The following INTS4 variants were observed in gnomAD, a reference collection of about 807,000 sequenced individuals.
The protein encoded by INTS4 is MSTP093.
In INTS4, 70 loss-of-function variants were observed where a neutral mutation model predicts 119.5. The observed-to-expected ratio is 0.59, with a 90% CI of 0.48 to 0.71. INTS4 has a LOEUF of 0.71. Among genes scored for constraint, INTS4 ranks in the 30% least tolerant of loss-of-function variants. The probability of loss-of-function intolerance (pLI) is 0.00; values close to 1 mark genes in which losing one functional copy is unlikely to be tolerated. For missense variants in INTS4, 867 were observed against 1,173.2 expected (o/e 0.74, Z 3.81); for synonymous variants, 316 against 419.6 (o/e 0.75, Z 3.02).
At chr11:77,945,142 C>T (rs1328418961) in intron 8 of INTS4, among the ~76,000 whole-genome samples, 1 of 152,206 alleles carries the variant, frequency 6.6e-6, no homozygotes, top group Non-Finnish European at 1.5e-5. Flanking sequence ...CACACTGTCT[C>T]CCTTGCCAAA....
chr11:77,934,032 T>A (rs540426513), intron 10 of INTS4, among the ~76,000 whole-genome samples: 4 of 79,000 alleles, frequency 5.1e-5, no homozygotes, highest in Admixed American at 1.5e-4. Flanking sequence ...GGAGACTCCA[T>A]TTTGTTCTGT....
rs545100959 is a variant in INTS4, at chr11:77,918,507, C to T, written c.1922+314G>A. On this transcript the variant is annotated intron_variant, in intron 15 of 22. Transcript: ENST00000534064. ...GCCTATGAGAAAGAATTAAACTTTG[C>T]TCCTGTTTTAGCCACTGTTACTTTG... 1.7e-4 allele frequency: 44 copies of T among 264,256 alleles called. No individual in the cohort carries two copies. The East Asian group carries it at 3.7e-3, about 22-fold the overall frequency. 16.4% of individuals were successfully genotyped at this position (264,256 alleles called of 1,614,324 possible).
intron 8 of INTS4, among the ~76,000 whole-genome samples, chr11:77,954,291 A>T (rs1954265768): frequency 6.6e-6 from 1 of 151,984 alleles, no homozygotes; most frequent in African/African-American, 2.4e-5. Context: ...TTTAAAAAAA[A>T]AATTTTTTTT....
chr11:77,877,749 A>ATT (rs34288319), downstream of INTS4, among the ~76,000 whole-genome samples: 2 of 148,692 alleles, frequency 1.3e-5, no homozygotes, highest in African/African-American at 4.9e-5. Flanking sequence ...CACACTTGCA[A>ATT]TTTTTTTTTT....
Position 77,879,085 on chromosome 11 carries a change from G to C in INTS4, c.2756C>G (p.Ser919Cys). 2 of 1,614,152 alleles carry C rather than the reference G, an allele frequency of 1.2e-6. No individual in the cohort carries two copies. The highest frequency in any genetic ancestry group is 8.5e-7 in the Non-Finnish European group (1 of 1,180,028). The change falls in exon 23 of 23, where the codon TCC (serine) becomes TGC (cysteine). Residue 919 changes from serine to cysteine, a missense_variant. Transcript: ENST00000534064. Reference sequence around the variant, plus strand: ...GGGGCATTTTGGAATGCGAGCACTGGAGTTGTAGGCCAGCAGCAGCCTCAC... The same window carrying C: ...GGGGCATTTTGGAATGCGAGCACTGCAGTTGTAGGCCAGCAGCAGCCTCAC... Reference protein sequence around the residue: ...VEVRLLLAYNSSARIPKCPWM... With the variant: ...VEVRLLLAYNCSARIPKCPWM...
At chr11:77,889,338 C>G (rs1447072086) in intron 21 of INTS4, among the ~76,000 whole-genome samples, 2 of 143,970 alleles carry the variant, frequency 1.4e-5, no homozygotes, top group Non-Finnish European at 3.0e-5. Flanking sequence ...TAGGTGGGAA[C>G]TGAACAATGA....
intron 12 of INTS4, chr11:77,922,879 A>G (rs1953397191): frequency 3.4e-6 from 1 of 290,094 alleles, no homozygotes; most frequent in South Asian, 3.3e-5. Context: ...CAAGTAAGCC[A>G]GTTCTAGACA....
chr11:77,919,341 C>T (rs1396742822), intron 14 of INTS4, among the ~76,000 whole-genome samples: 5 of 151,836 alleles, frequency 3.3e-5, no homozygotes, highest in Non-Finnish European at 7.4e-5. Context: ...GCCCAGAGTG[C>T]AATGGTACCA....
intron 18 of INTS4, among the ~76,000 whole-genome samples, chr11:77,894,952 A>C (rs1345746914): frequency 6.6e-6 from 1 of 152,204 alleles, no homozygotes; most frequent in Non-Finnish European, 1.5e-5. Context: ...ATAGCCTACT[A>C]ATGTAGTTGA....
chr11:77,923,315 C>CAAAAAAAAAAA (rs35475320), intron 12 of INTS4, among the ~76,000 whole-genome samples: 1 of 87,984 alleles, frequency 1.1e-5, no homozygotes, highest in Non-Finnish European at 2.2e-5. Flanking sequence ...GACTCTGTCT[C>CAAAAAAAAAAA]AAAAAAAAAA....
chr11:77,884,003 C>G (rs750023772), intron 21 of INTS4, 51 bp from the exon 22 acceptor site: 9 of 1,578,882 alleles, frequency 5.7e-6, no homozygotes, highest in Non-Finnish European at 6.1e-6. Context: ...GAGCATTTAA[C>G]AAAATGGATG....
intron 11 of INTS4, 74 bp from the exon 12 acceptor site, chr11:77,924,966 C>G (rs1481556322): frequency 8.3e-7 from 1 of 1,206,484 alleles, no homozygotes; most frequent in East Asian, 2.5e-5. Context: ...CCATCCCCTT[C>G]TACCCAGCCA....
At position 77,888,878 on chromosome 11, in the gene INTS4, C is replaced by A. The variant is rs552005607; in HGVS notation, c.2592+2441G>T. Among the ~76,000 whole-genome samples the A allele has an allele frequency of 6.4e-4, 98 of 152,264 alleles. 2 individuals are homozygous for A. Among genetic ancestry groups the A allele is most frequent in the African/African-American group, 2.3e-3 (97 of 41,552 alleles). On this transcript the variant is annotated intron_variant, in intron 21 of 22. Coordinates refer to ENST00000534064, the MANE Select transcript of INTS4 (RefSeq NM_033547.4). ...TGCAAATCAAAACCACAGTGAGATACCATCTCACACCAGTTAGAATGGCTA... is the reference window on the plus strand; with the variant it reads ...TGCAAATCAAAACCACAGTGAGATAACATCTCACACCAGTTAGAATGGCTA...
chr11:77,974,602 C>CT (rs34323538), intron 4 of INTS4, among the ~76,000 whole-genome samples: 170 of 137,144 alleles, frequency 1.2e-3, no homozygotes, highest in Middle Eastern at 7.7e-3. Flanking sequence ...GTAATCATGT[C>CT]TTTTTTTTTT....
chr11:77,968,741 A>G (rs1855594384), intron 4 of INTS4, among the ~76,000 whole-genome samples: 2 of 152,206 alleles, frequency 1.3e-5, no homozygotes, highest in Non-Finnish European at 1.5e-5. Flanking sequence ...GTATACATCC[A>G]AGAGAACTGA....
intron 22 of INTS4, among the ~76,000 whole-genome samples, chr11:77,883,394 G>GA (rs1407168441): frequency 6.6e-6 from 1 of 151,756 alleles, no homozygotes; most frequent in African/African-American, 2.4e-5. Flanking sequence ...GTTGGCAAAT[G>GA]AAAAAAAATA....
intron 15 of INTS4, among the ~76,000 whole-genome samples, chr11:77,912,995 T>G (rs1400816743): frequency 6.6e-6 from 1 of 152,250 alleles, no homozygotes; most frequent in East Asian, 1.9e-4. Context: ...TTTCAGGTAA[T>G]AATGAGCTAT....
intron 4 of INTS4, among the ~76,000 whole-genome samples, chr11:77,963,905 A>C (rs1855365139): frequency 1.3e-5 from 2 of 152,190 alleles, no homozygotes; most frequent in South Asian, 2.1e-4. Flanking sequence ...GACTGGTCTC[A>C]AACTCTTGGG....
At chr11:77,927,997 C>T (rs940950662) in intron 11 of INTS4, among the ~76,000 whole-genome samples, 2 of 152,164 alleles carry the variant, frequency 1.3e-5, no homozygotes, top group East Asian at 1.9e-4. Flanking sequence ...AGAGTGAGAC[C>T]CTGTCTCAAA....
Sources: allele counts gnomAD v4.1 joint callset (sites outside exome capture counted in the v4.1 genomes callset), GRCh38; gene constraint gnomAD v4.1.1; transcripts MANE v1.5; gene names NCBI Gene and HGNC (gene_info 2026-07-23, HGNC 2026-07-21).